Variants in UNC5D observed in about 807,000 individuals in gnomAD.
UNC5D encodes netrin receptor UNC5D.
UNC5D carries 39 observed loss-of-function variants against 105.4 expected under a neutral mutation model. The observed-to-expected ratio is 0.37, with a 90% confidence interval of 0.29 to 0.48. The LOEUF (loss-of-function observed/expected upper bound fraction) is 0.48. UNC5D is among the 20% of genes least tolerant of loss of function. The pLI, the probability that UNC5D is intolerant of heterozygous loss-of-function variation, is 0.98. For synonymous variants in UNC5D, 452 were observed against 450.4 expected (o/e 1.00, Z -0.04); for missense variants, 991 against 1,202.4 (o/e 0.82, Z 2.60).
intron 2 of UNC5D, among the ~76,000 whole-genome samples, chr8:35,566,683 G>C (rs1245088990): frequency 6.6e-6 from 1 of 152,194 alleles, no homozygotes; most frequent in Non-Finnish European, 1.5e-5. Context: ...CCTCTGCAAA[G>C]TAGGGACACA....
intron 1 of UNC5D, among the ~76,000 whole-genome samples, chr8:35,236,206 C>G (rs1008600675): frequency 6.6e-6 from 1 of 152,224 alleles, no homozygotes; most frequent in Non-Finnish European, 1.5e-5. Flanking sequence ...TCCAATCTCG[C>G]TCTCCCCTCT....
In UNC5D at chr8:35,743,511, C is replaced by T. The variant is rs778111033; in HGVS notation, c.1767-5016C>T. Among the ~76,000 whole-genome samples, 7 of 151,610 alleles carry T rather than the reference C, an allele frequency of 4.6e-5. No individual in the cohort carries two copies. The East Asian group carries it at 5.8e-4, about 13-fold the overall frequency. On this transcript the variant is annotated intron_variant, in intron 11 of 16. Transcript: ENST00000404895. Reference sequence around the variant, plus strand: ...CAGGCTGGTCTTGAACTCCTGACCTCGAGTGATCCCCCCCACCTCAGCCTC... The same window carrying T: ...CAGGCTGGTCTTGAACTCCTGACCTTGAGTGATCCCCCCCACCTCAGCCTC...
At chr8:35,633,201 G>A (rs781203958) in intron 4 of UNC5D, among the ~76,000 whole-genome samples, 3 of 152,174 alleles carry the variant, frequency 2.0e-5, no homozygotes, top group Non-Finnish European at 2.9e-5. Context: ...GACTTCTTGC[G>A]TAAAAGGTTG....
At chr8:35,387,032 G>A (rs568141917) in intron 1 of UNC5D, among the ~76,000 whole-genome samples, 2 of 151,950 alleles carry the variant, frequency 1.3e-5, no homozygotes, top group East Asian at 1.9e-4. Context: ...CTGCTGTAGT[G>A]GCAGCATCAG....
intron 1 of UNC5D, among the ~76,000 whole-genome samples, chr8:35,490,895 T>C (rs1343406681): frequency 6.6e-6 from 1 of 152,170 alleles, no homozygotes; most frequent in Non-Finnish European, 1.5e-5. Context: ...AAATTTTCTT[T>C]AACTATTTCT....
chr8:35,429,908 C>A (rs1411401107), intron 1 of UNC5D, among the ~76,000 whole-genome samples: 1 of 152,138 alleles, frequency 6.6e-6, no homozygotes, highest in Non-Finnish European at 1.5e-5. Flanking sequence ...ATTTGACAAA[C>A]AACTATATTT....
chr8:35,680,342 A>G (rs1825573588), intron 4 of UNC5D, among the ~76,000 whole-genome samples: 2 of 152,202 alleles, frequency 1.3e-5, no homozygotes, highest in African/African-American at 2.4e-5. Flanking sequence ...TCTAACTTCT[A>G]ACTTATTAAT....
intron 8 of UNC5D, among the ~76,000 whole-genome samples, chr8:35,713,320 A>T (rs1451416277): frequency 6.6e-6 from 1 of 152,298 alleles, no homozygotes; most frequent in East Asian, 1.9e-4. Context: ...AAAAATCTGT[A>T]GAGTTTATAT....
intron 1 of UNC5D, among the ~76,000 whole-genome samples, chr8:35,477,670 T>C (rs1397995385): frequency 6.6e-6 from 1 of 152,106 alleles, no homozygotes; most frequent in African/African-American, 2.4e-5. Flanking sequence ...AACTGAAACG[T>C]CAAAATTCAT....
intron 1 of UNC5D, among the ~76,000 whole-genome samples, chr8:35,324,196 G>A (rs963685118): frequency 6.2e-5 from 8 of 130,054 alleles, no homozygotes; most frequent in Admixed American, 9.5e-5. Context: ...TCACACCACC[G>A]TACACCAGCC....
At chr8:35,640,956 T>A (rs983631524) in intron 4 of UNC5D, among the ~76,000 whole-genome samples, 1 of 152,112 alleles carries the variant, frequency 6.6e-6, no homozygotes, top group Admixed American at 6.6e-5. Context: ...AATAGTTCTC[T>A]GAAATGTAAC....
In UNC5D at chr8:35,750,494, G is replaced by C. The variant is rs565182255; in HGVS notation, c.1936-88G>C. The C allele has an allele frequency of 4.5e-6, 6 of 1,343,688 alleles. No individual in the cohort carries two copies. The East Asian group carries it at 1.4e-4, about 31-fold the overall frequency. 83.2% of individuals were successfully genotyped at this position (1,343,688 alleles called of 1,614,324 possible). ...CTATTCTGAAAACAAATTTATATTT[G>C]TGTGTTTATTTATTTGTGTCCTGGC... On this transcript the variant is annotated intron_variant, in intron 12 of 16. Coordinates refer to ENST00000404895, the MANE Select transcript of UNC5D (RefSeq NM_080872.4).
chr8:35,249,155 T>C (rs1803506047), intron 1 of UNC5D, among the ~76,000 whole-genome samples: 2 of 139,136 alleles, frequency 1.4e-5, no homozygotes, highest in South Asian at 4.2e-4. Flanking sequence ...AAAATCTACA[T>C]AAAATATATA....
chr8:35,725,564 G>C (rs1219370097), intron 9 of UNC5D, among the ~76,000 whole-genome samples: 2 of 152,054 alleles, frequency 1.3e-5, no homozygotes, highest in Non-Finnish European at 2.9e-5. Context: ...TGGCTACTCA[G>C]ATGTGGTGAG....
chr8:35,480,519 T>C (rs1810415041), intron 1 of UNC5D, among the ~76,000 whole-genome samples: 1 of 152,192 alleles, frequency 6.6e-6, no homozygotes, highest in Admixed American at 6.5e-5. Flanking sequence ...GAGAAGATGA[T>C]ATGTTTTTTC....
At chr8:35,330,476 G>A (rs1367117502) in intron 1 of UNC5D, among the ~76,000 whole-genome samples, 1 of 152,196 alleles carries the variant, frequency 6.6e-6, no homozygotes, top group African/African-American at 2.4e-5. Flanking sequence ...TAGAAAAATA[G>A]TTCAAAACTG....
At chr8:35,390,703 T>C (rs965476679) in intron 1 of UNC5D, among the ~76,000 whole-genome samples, 2 of 152,228 alleles carry the variant, frequency 1.3e-5, no homozygotes, top group Non-Finnish European at 2.9e-5. Flanking sequence ...TACCAATGCA[T>C]ATATTTCATT....
Position 35,449,855 on chromosome 8 carries a change from C to T in UNC5D, c.104-99437C>T, listed in dbSNP as rs1053145665. ...ACCTCTGACATTGATTACTATGTGCCGCCTTCTAGTCTTTGGCCTTTGGGC... is the reference window on the plus strand; with the variant it reads ...ACCTCTGACATTGATTACTATGTGCTGCCTTCTAGTCTTTGGCCTTTGGGC... On this transcript the variant is annotated intron_variant, in intron 1 of 16. Coordinates refer to ENST00000404895, the MANE Select transcript of UNC5D (RefSeq NM_080872.4). 1.2e-4 allele frequency among the ~76,000 whole-genome samples: 19 copies of T among 152,214 alleles called. No homozygotes were observed. In the East Asian group the frequency reaches 1.9e-3, roughly 16 times the overall value.
intron 7 of UNC5D, among the ~76,000 whole-genome samples, chr8:35,687,670 A>G (rs1196656054): frequency 6.6e-6 from 1 of 152,156 alleles, no homozygotes; most frequent in Non-Finnish European, 1.5e-5. Flanking sequence ...ATAGGTTTCA[A>G]TTTGGTGCTC....
Sources: gnomAD v4.1 joint callset for allele counts (sites outside exome capture counted in the v4.1 genomes callset) on GRCh38, gnomAD v4.1.1 for gene constraint, MANE v1.5 for transcripts, NCBI Gene and HGNC (gene_info 2026-07-23, HGNC 2026-07-21) for gene names.